Variants in BEND6 observed in about 807,000 individuals in gnomAD.
The protein encoded by BEND6 is BEN domain-containing protein 6.
Under a neutral mutation model 31.8 loss-of-function variants are expected in BEND6, and 24 were observed. That is an observed-to-expected ratio of 0.75 (90% CI 0.55 to 1.06). The LOEUF is 1.06. BEND6 is among the 50% of genes least tolerant of loss of function. The pLI, the probability that BEND6 is intolerant of heterozygous loss-of-function variation, is 0.00. For synonymous variants in BEND6, 109 were observed against 114.6 expected (o/e 0.95, Z 0.31); for missense variants, 294 against 327.4 (o/e 0.90, Z 0.79).
chr6:56,982,233 T>C (rs1366943725), intron 2 of BEND6, among the ~76,000 whole-genome samples: 21 of 152,190 alleles, frequency 1.4e-4, no homozygotes, highest in Non-Finnish European at 2.9e-5. Flanking sequence ...GTTCTCTTTT[T>C]AATGTTGAAC....
At chr6:56,960,419 C>T (rs1290381964) in intron 1 of BEND6, among the ~76,000 whole-genome samples, 1 of 152,092 alleles carries the variant, frequency 6.6e-6, no homozygotes, top group African/African-American at 2.4e-5. Flanking sequence ...AACTTCTACA[C>T]TTCTTAAGTA....
At position 57,020,702 on chromosome 6, in the gene BEND6, G is replaced by A. The variant is rs148635634; in HGVS notation, c.*9+2145G>A. Among the ~76,000 whole-genome samples the A allele has an allele frequency of 1.5e-3, 234 of 152,162 alleles. 3 individuals are homozygous for A. The East Asian group carries it at 0.042, about 27-fold the overall frequency. ...CTCCCAAAGTGCTGGGATTACAGGCGTGAGCCACCGTGACCGGCAATTTCC... is the reference window on the plus strand; with the variant it reads ...CTCCCAAAGTGCTGGGATTACAGGCATGAGCCACCGTGACCGGCAATTTCC... On this transcript the variant is annotated intron_variant, in intron 6 of 6. Coordinates refer to ENST00000370746, the MANE Select transcript of BEND6 (RefSeq NM_152731.3).
chr6:57,002,964 TA>T (rs1459308820), intron 3 of BEND6, among the ~76,000 whole-genome samples: 1 of 151,750 alleles, frequency 6.6e-6, no homozygotes, highest in Non-Finnish European at 1.5e-5. Context: ...CTAGCAAAAT[TA>T]ACAAAGAAAA....
In BEND6 at chr6:56,983,639, C is replaced by T. The variant is rs139658825; in HGVS notation, c.120+1709C>T. 3.7e-4 allele frequency among the ~76,000 whole-genome samples: 56 copies of T among 152,268 alleles called. No individual in the cohort carries two copies. The East Asian group carries it at 0.011, about 29-fold the overall frequency. On this transcript the variant is annotated intron_variant, in intron 2 of 6. Transcript: ENST00000370746. The stretch of plus-strand genomic sequence containing the variant: ...TCTACATTGTGGCAAATAGCAAGAT[C>T]TTGTTCTTTTTTAGGGCTCAATGAT...
chr6:56,996,568 A>T (rs1360699958), intron 3 of BEND6, among the ~76,000 whole-genome samples: 2 of 152,194 alleles, frequency 1.3e-5, no homozygotes, highest in Non-Finnish European at 1.5e-5. Flanking sequence ...GCTTAACATG[A>T]CTGATAGGCT....
chr6:56,983,518 A>G (rs1436589144), intron 2 of BEND6, among the ~76,000 whole-genome samples: 2 of 152,116 alleles, frequency 1.3e-5, no homozygotes, highest in African/African-American at 4.8e-5. Context: ...TGAATATTTG[A>G]AAGTTTTTTT....
chr6:56,964,624 C>G (rs185642404), intron 1 of BEND6, among the ~76,000 whole-genome samples: 1 of 152,134 alleles, frequency 6.6e-6, no homozygotes, highest in African/African-American at 2.4e-5. Context: ...GGCATAACCT[C>G]CCAAGTAGCT....
intron 3 of BEND6, among the ~76,000 whole-genome samples, chr6:57,006,805 A>G (rs1406687013): frequency 3.9e-5 from 6 of 152,350 alleles, no homozygotes; most frequent in Non-Finnish European, 8.8e-5. Flanking sequence ...AAAAAGAACA[A>G]TGCTGGATGT....
At chr6:56,976,251 A>G (rs558489754) in intron 1 of BEND6, among the ~76,000 whole-genome samples, 1 of 148,326 alleles carries the variant, frequency 6.7e-6, no homozygotes, top group East Asian at 2.0e-4. Context: ...GCTGGAGTGC[A>G]GTGGCGCGAT....
chr6:57,024,024 G>A (rs1827830636), intron 6 of BEND6, among the ~76,000 whole-genome samples: 1 of 152,138 alleles, frequency 6.6e-6, no homozygotes, highest in Non-Finnish European at 1.5e-5. Flanking sequence ...ATAAGAAGTT[G>A]TTTTTAAAAG....
At chr6:57,005,192 T>C (rs1414917630) in intron 3 of BEND6, among the ~76,000 whole-genome samples, 1 of 152,134 alleles carries the variant, frequency 6.6e-6, no homozygotes, top group African/African-American at 2.4e-5. Flanking sequence ...CAATATCTAG[T>C]AGCTACCAGT....
chr6:56,959,065 A>C (rs1370086586), intron 1 of BEND6, among the ~76,000 whole-genome samples: 1 of 152,180 alleles, frequency 6.6e-6, no homozygotes, highest in Non-Finnish European at 1.5e-5. Context: ...GTTTCTAGGG[A>C]ATTTGGGAGA....
In BEND6 at chr6:57,026,656, G is replaced by C. The variant is rs1562563695; in HGVS notation, c.*584G>C. 1 of 152,106 alleles carries C rather than the reference G, an allele frequency of 6.6e-6. No individual in the cohort carries two copies. Among genetic ancestry groups the C allele is most frequent in the Non-Finnish European group, 1.5e-5 (1 of 68,010 alleles). 9.4% of individuals were successfully genotyped at this position (152,106 alleles called of 1,614,324 possible). ...AGCAATAAAATTACAGGATTATTCT[G>C]TTATCTAAAAATGTATAAAATGGGA... is the stretch of plus-strand genomic sequence containing the variant. On this transcript the variant is annotated 3_prime_UTR_variant, in exon 7 of 7. Coordinates refer to ENST00000370746, the MANE Select transcript of BEND6 (RefSeq NM_152731.3).
At chr6:57,014,394 A>G in intron 3 of BEND6, 1 of 985,424 alleles carries the variant, frequency 1.0e-6, no homozygotes, top group Non-Finnish European at 1.4e-6. Context: ...TCAACCATAT[A>G]GTGAGGAACT....
intron 1 of BEND6, among the ~76,000 whole-genome samples, chr6:56,958,178 G>A (rs949087176): frequency 6.6e-6 from 1 of 152,178 alleles, no homozygotes; most frequent in Non-Finnish European, 1.5e-5. Context: ...GCCCATGTGT[G>A]AGAAGGGAAT....
At position 56,955,437 on chromosome 6, in the gene BEND6, T is replaced by A. The variant is rs770141829; in HGVS notation, c.-124T>A. The A allele has an allele frequency of 6.6e-6, 1 of 152,258 alleles. No homozygotes were observed. 9.4% of individuals were successfully genotyped at this position (152,258 alleles called of 1,614,324 possible). A position where few individuals can be genotyped will look rare whatever the true frequency, so the allele number is the denominator to read the frequency against. On this transcript the variant is annotated 5_prime_UTR_variant, in exon 1 of 7. Coordinates refer to ENST00000370746, the MANE Select transcript of BEND6 (RefSeq NM_152731.3). ...ACCTCCCTGCGCCCCGCCCCGAGGT[T>A]GGGGCTTTGAAGAATGCAGCCGGGT...
At chr6:56,969,634 A>T (rs7760435) in intron 1 of BEND6, among the ~76,000 whole-genome samples, 30,551 of 152,072 alleles carry the variant, frequency 0.2, 3,270 homozygotes, top group Middle Eastern at 0.22. Flanking sequence ...AAATTTTAAT[A>T]GAATTCATAA....
At position 57,026,592 on chromosome 6, in the gene BEND6, A is replaced by C. The variant is rs1827910251; in HGVS notation, c.*520A>C. 6.6e-6 allele frequency: 1 copy of C among 152,258 alleles called. No individual in the cohort carries two copies. Among genetic ancestry groups the C allele is most frequent in the Admixed American group, 6.5e-5 (1 of 15,288 alleles). 9.4% of individuals were successfully genotyped at this position (152,258 alleles called of 1,614,324 possible). On this transcript the variant is annotated 3_prime_UTR_variant, in exon 7 of 7. Transcript: ENST00000370746. The stretch of plus-strand genomic sequence containing the variant: ...AATATGAGAACAACAAAGTCAGCCC[A>C]AAATCTGATAATCATGTCTAACCAA...
At chr6:57,005,786 C>G (rs961883293) in intron 3 of BEND6, among the ~76,000 whole-genome samples, 1 of 151,608 alleles carries the variant, frequency 6.6e-6, no homozygotes, top group Non-Finnish European at 1.5e-5. Flanking sequence ...ACCAATGGTC[C>G]TTTTGTTTTT....
Sources: gnomAD v4.1 joint callset for allele counts (sites outside exome capture counted in the v4.1 genomes callset) on GRCh38, gnomAD v4.1.1 for gene constraint, MANE v1.5 for transcripts, NCBI Gene and HGNC (gene_info 2026-07-23, HGNC 2026-07-21) for gene names.